The following NT5DC1 variants were observed in gnomAD, a reference collection of about 807,000 sequenced individuals.
NT5DC1 encodes the protein 5'-nucleotidase domain containing 1.
NT5DC1 carries 42 observed loss-of-function variants against 59.4 expected under a neutral mutation model. That is an observed-to-expected ratio of 0.71 (90% CI 0.55 to 0.92). The LOEUF (loss-of-function observed/expected upper bound fraction) is 0.92, where lower values mean the gene tolerates loss of function less well. Ranked by LOEUF, NT5DC1 falls within the 40% of genes least tolerant of loss-of-function variation. The probability of loss-of-function intolerance (pLI) is 0.00; values close to 1 mark genes in which losing one functional copy is unlikely to be tolerated. For missense variants in NT5DC1, 501 were observed against 537.1 expected, an observed-to-expected ratio of 0.93 and a Z score of 0.66; for synonymous variants, 172 against 188.1, an observed-to-expected ratio of 0.91 and a Z score of 0.70.
At chr6:116,118,204 G>T (rs1779007004) in intron 6 of NT5DC1, 1 of 444,430 alleles carries the variant, frequency 2.3e-6, no homozygotes, top group African/African-American at 2.0e-5. Context: ...CATTCTGTGA[G>T]TTCCCTAGAA....
chr6:116,217,666 C>T (rs1781713179), intron 6 of NT5DC1, among the ~76,000 whole-genome samples: 1 of 152,024 alleles, frequency 6.6e-6, no homozygotes, highest in South Asian at 2.1e-4. Flanking sequence ...ACTAATCATA[C>T]TCTTGCCTTG....
chr6:116,110,907 G>A lies in NT5DC1; in HGVS notation c.315G>A (p.Lys105=). ...AGGTGCTGGCAGAGGCATATGGCAA[G>A]AAAGAGTGGAAGCACTTCTTGTCGG... is the stretch of plus-strand genomic sequence containing the variant. ...TPEVLAEAYG[K]KEWKHFLSDT... Residue 105 remains lysine, a synonymous_variant, in exon 4 of 12, where the codon AAG becomes AAA. Transcript: ENST00000319550. The A allele has an allele frequency of 6.2e-7, 1 of 1,614,132 alleles. No homozygotes were observed. The highest frequency in any genetic ancestry group is 1.1e-5 in the South Asian group (1 of 91,082).
intron 6 of NT5DC1, among the ~76,000 whole-genome samples, chr6:116,149,477 G>A (rs1163885539): frequency 6.6e-6 from 1 of 152,238 alleles, no homozygotes. Flanking sequence ...CCTATTCAAA[G>A]GCTACTTTAG....
intron 2 of NT5DC1, among the ~76,000 whole-genome samples, chr6:116,107,350 C>CA (rs1416484586): frequency 6.6e-6 from 1 of 150,824 alleles, no homozygotes; most frequent in African/African-American, 2.4e-5. Context: ...TTACCCTGAA[C>CA]AAAAGTAAAT....
chr6:116,233,618 A>G (rs1782058376), intron 8 of NT5DC1, among the ~76,000 whole-genome samples: 1 of 152,214 alleles, frequency 6.6e-6, no homozygotes, highest in Non-Finnish European at 1.5e-5. Context: ...TTTGTCTTCT[A>G]GCCCCAATTT....
intron 6 of NT5DC1, among the ~76,000 whole-genome samples, chr6:116,209,141 C>T (rs73774232): frequency 0.037 from 5,623 of 152,000 alleles, 158 homozygotes; most frequent in African/African-American, 0.073. Context: ...ACGTTACTGT[C>T]CCGTAGTTAT....
At chr6:116,170,835 TGCCGTGTA>T (rs1159185606) in intron 6 of NT5DC1, among the ~76,000 whole-genome samples, 2 of 152,194 alleles carry the variant, frequency 1.3e-5, no homozygotes, top group African/African-American at 4.8e-5. Flanking sequence ...CACTCCCACC[TGCCGTGTA>T]GCCTATCCTC....
chr6:116,115,646 T>C (rs1240336814), intron 4 of NT5DC1, 45 bp from the exon 5 acceptor site: 2 of 913,456 alleles, frequency 2.2e-6, no homozygotes, highest in Admixed American at 1.7e-5. Flanking sequence ...TTCACATGCA[T>C]GCAGCATTAT....
intron 6 of NT5DC1, among the ~76,000 whole-genome samples, chr6:116,141,230 T>A (rs890359121): frequency 1.3e-5 from 2 of 152,086 alleles, no homozygotes; most frequent in Non-Finnish European, 2.9e-5. Context: ...CTCTCTCAAA[T>A]ACCTGATTGT....
chr6:116,111,254 A>T (rs1459004378), intron 4 of NT5DC1, among the ~76,000 whole-genome samples: 2 of 152,198 alleles, frequency 1.3e-5, no homozygotes, highest in Admixed American at 6.5e-5. Context: ...TGTATTTATC[A>T]GTTTTGTTTT....
rs1779147586 is a variant in NT5DC1 at position 116,122,024 on chromosome 6, C to G, written c.529+4079C>G. ...GATGGTTAGTGACATTAAAGAGAAT[C>G]ATTGCCTTTCAAACTATGAATTGGG... On this transcript the variant is annotated intron_variant, in intron 6 of 11. Transcript: ENST00000319550. The G allele has an allele frequency of 4.3e-6, 6 of 1,380,950 alleles. No homozygotes were observed. The Admixed American group carries it at 1.0e-4, about 23-fold the overall frequency. 85.5% of individuals were successfully genotyped at this position (1,380,950 alleles called of 1,614,324 possible). A position where few individuals can be genotyped will look rare whatever the true frequency, so the allele number is the denominator to read the frequency against.
chr6:116,126,331 A>G (rs1378980679), intron 6 of NT5DC1, among the ~76,000 whole-genome samples: 2 of 152,090 alleles, frequency 1.3e-5, no homozygotes, highest in Non-Finnish European at 2.9e-5. Flanking sequence ...TCTTAAATAT[A>G]TATTAATAGT....
At chr6:116,154,020 G>T (rs912571717) in intron 6 of NT5DC1, among the ~76,000 whole-genome samples, 3 of 150,488 alleles carry the variant, frequency 2.0e-5, no homozygotes, top group African/African-American at 7.3e-5. Context: ...ATGCCTAAAG[G>T]GAAGATTTCT....
intron 6 of NT5DC1, among the ~76,000 whole-genome samples, chr6:116,179,588 T>C (rs1582856489): frequency 6.6e-6 from 1 of 152,140 alleles, no homozygotes; most frequent in East Asian, 1.9e-4. Context: ...ACAAAGACCT[T>C]TTTAAAAATT....
rs760865615 is a variant in NT5DC1 at position 116,110,900 on chromosome 6, A to C, written c.308A>C (p.Tyr103Ser). Residue 103 changes from tyrosine to serine, a missense_variant, in exon 4 of 12, where the codon TAT (tyrosine) becomes TCT (serine). Tyr to Ser is a moderately radical substitution (Grantham distance 144). Coordinates refer to ENST00000319550, the MANE Select transcript of NT5DC1 (RefSeq NM_152729.3). ...MMTPEVLAEA[Y>S]GKKEWKHFLS... ...ACTCCAGAGGTGCTGGCAGAGGCAT[A>C]TGGCAAGAAAGAGTGGAAGCACTTC... 1 of 1,614,194 alleles carries C rather than the reference A, an allele frequency of 6.2e-7. No individual in the cohort carries two copies. Among genetic ancestry groups the C allele is most frequent in the South Asian group, 1.1e-5 (1 of 91,086 alleles).
intron 6 of NT5DC1, among the ~76,000 whole-genome samples, chr6:116,165,092 G>A (rs947405310): frequency 6.1e-4 from 37 of 61,156 alleles, no homozygotes; most frequent in African/African-American, 2.6e-3. Flanking sequence ...GCGAGACTCC[G>A]TCTCAGAAAA....
At chr6:116,124,853 G>C (rs757219733) in intron 6 of NT5DC1, among the ~76,000 whole-genome samples, 24 of 152,068 alleles carry the variant, frequency 1.6e-4, no homozygotes, top group Admixed American at 2.0e-4. Context: ...TTCATTGTTG[G>C]GGGGGAGGCC....
chr6:116,148,001 G>A (rs1743411181), intron 6 of NT5DC1, among the ~76,000 whole-genome samples: 1 of 150,974 alleles, frequency 6.6e-6, no homozygotes, highest in Admixed American at 6.6e-5. Context: ...AAAAAAGGTG[G>A]GGGGGGTTGG....
chr6:116,230,927 T>C (rs573545730), intron 8 of NT5DC1, among the ~76,000 whole-genome samples: 31 of 151,904 alleles, frequency 2.0e-4, no homozygotes, highest in Non-Finnish European at 4.3e-4. Context: ...AGCGAACTAG[T>C]CAACCCCATC....
Sources: gnomAD v4.1 joint callset for allele counts (sites outside exome capture counted in the v4.1 genomes callset) on GRCh38, gnomAD v4.1.1 for gene constraint, MANE v1.5 for transcripts, NCBI Gene and HGNC (gene_info 2026-07-23, HGNC 2026-07-21) for gene names.